The following PTPRD variants were observed in gnomAD, a reference collection of about 807,000 sequenced individuals.
PTPRD encodes receptor-type tyrosine-protein phosphatase delta.
Under a neutral mutation model 214.5 loss-of-function variants are expected in PTPRD, and 34 were observed. The observed-to-expected ratio is 0.16, with a 90% CI of 0.12 to 0.21. The LOEUF (loss-of-function observed/expected upper bound fraction) is 0.21, where lower values mean the gene tolerates loss of function less well. Among genes scored for constraint, PTPRD ranks in the 10% least tolerant of loss-of-function variants. PTPRD has a pLI of 1.00. For synonymous variants in PTPRD, 1,128 were observed against 845.7 expected (o/e 1.33, Z -5.79); for missense variants, 2,545 against 2,398.7 (o/e 1.06, Z -1.27).
intron 2 of PTPRD, chr9:10,532,020 A>C (rs1213500335): frequency 6.6e-6 from 1 of 152,062 alleles, no homozygotes; most frequent in African/African-American, 2.4e-5. Context: ...TTTTAAAATT[A>C]CTCTCCCACT....
chr9:10,379,887 T>C (rs537360539), intron 2 of PTPRD, among the ~76,000 whole-genome samples: 126 of 152,186 alleles, frequency 8.3e-4, no homozygotes, highest in African/African-American at 2.9e-3. Context: ...AGTTAATGTA[T>C]TTTATTTCTA....
At chr9:10,254,635 A>G (rs2093085113) in intron 3 of PTPRD, among the ~76,000 whole-genome samples, 1 of 152,202 alleles carries the variant, frequency 6.6e-6, no homozygotes, top group Non-Finnish European at 1.5e-5. Context: ...CACATTACAA[A>G]TAGAGTAAAA....
At chr9:10,084,717 T>A (rs772103988) in intron 3 of PTPRD, among the ~76,000 whole-genome samples, 2 of 151,982 alleles carry the variant, frequency 1.3e-5, no homozygotes, top group Non-Finnish European at 2.9e-5. Context: ...TGCCTTGTGG[T>A]GTGAAAATAG....
intron 26 of PTPRD, among the ~76,000 whole-genome samples, chr9:8,496,056 A>T (rs959985584): frequency 6.6e-6 from 1 of 152,074 alleles, no homozygotes; most frequent in Non-Finnish European, 1.5e-5. Flanking sequence ...GCCTTCATTT[A>T]TATCAAATTG....
chr9:9,014,403 C>T (rs2099525607), intron 11 of PTPRD, among the ~76,000 whole-genome samples: 1 of 151,920 alleles, frequency 6.6e-6, no homozygotes, highest in African/African-American at 2.4e-5. Flanking sequence ...AAAAATGTCA[C>T]CTAATAGTAC....
rs534208115 is a variant in PTPRD at position 9,063,610 on chromosome 9, C to T, written c.-142-44875G>A. Reference sequence around the variant, plus strand: ...TTGTTTACTGCTGAATTCTTAGCATCCAGAACAAACACCTAGCATGTAGCA... The same window carrying T: ...TTGTTTACTGCTGAATTCTTAGCATTCAGAACAAACACCTAGCATGTAGCA... On this transcript the variant is annotated intron_variant, in intron 10 of 45. Transcript: ENST00000381196. 5.9e-5 allele frequency among the ~76,000 whole-genome samples: 9 copies of T among 152,230 alleles called. No homozygotes were observed. The East Asian group carries it at 1.7e-3, about 29-fold the overall frequency.
chr9:9,494,364 G>C (rs1006086680), intron 8 of PTPRD, among the ~76,000 whole-genome samples: 1 of 152,106 alleles, frequency 6.6e-6, no homozygotes, highest in South Asian at 2.1e-4. Flanking sequence ...GCATTGCATA[G>C]AACAAAACTT....
intron 11 of PTPRD, among the ~76,000 whole-genome samples, chr9:8,951,577 C>G (rs1052449128): frequency 6.6e-6 from 1 of 151,992 alleles, no homozygotes; most frequent in Admixed American, 6.6e-5. Flanking sequence ...GATCTTCCAT[C>G]TCCCATCTCC....
intron 8 of PTPRD, among the ~76,000 whole-genome samples, chr9:9,489,575 A>T (rs2095813099): frequency 6.6e-6 from 1 of 152,118 alleles, no homozygotes; most frequent in South Asian, 2.1e-4. Flanking sequence ...AAAACCTAAA[A>T]CGAAACCTAA....
At chr9:9,761,657 G>A (rs1002424743) in intron 6 of PTPRD, among the ~76,000 whole-genome samples, 5 of 151,938 alleles carry the variant, frequency 3.3e-5, no homozygotes, top group African/African-American at 1.2e-4. Flanking sequence ...GGGAAAACTT[G>A]GCAATGTGTA....
chr9:9,825,231 A>C (rs547124632), intron 5 of PTPRD, among the ~76,000 whole-genome samples: 1 of 152,038 alleles, frequency 6.6e-6, no homozygotes, highest in South Asian at 2.1e-4. Flanking sequence ...TTTTAATTTT[A>C]TTTACTAGTT....
chr9:8,849,595 GAAT>G (rs1307241860), intron 11 of PTPRD, among the ~76,000 whole-genome samples: 5 of 152,144 alleles, frequency 3.3e-5, no homozygotes, highest in African/African-American at 9.7e-5. Flanking sequence ...GAAAATGAGA[GAAT>G]AATAGGATTT....
chr9:8,498,157 G>C lies in PTPRD; in HGVS notation c.2323-889C>G, dbSNP rs187245985. Among the ~76,000 whole-genome samples, 24 of 152,286 alleles carry C rather than the reference G, an allele frequency of 1.6e-4. No homozygotes were observed. The East Asian group carries it at 4.0e-3, about 26-fold the overall frequency. The stretch of plus-strand genomic sequence containing the variant: ...CAATGAATCCAGATCCCTTTACTTA[G>C]AATGTTTCAAAACTGAAGAAAACAT... On this transcript the variant is annotated intron_variant, in intron 25 of 45. Coordinates refer to ENST00000381196, the MANE Select transcript of PTPRD (RefSeq NM_002839.4).
At chr9:9,580,547 CT>C (rs1176394314) in intron 7 of PTPRD, among the ~76,000 whole-genome samples, 41,351 of 122,028 alleles carry the variant, frequency 0.34, 6,098 homozygotes, top group Non-Finnish European at 0.38. Context: ...ACTTTATTTT[CT>C]TTTTTTTTTT....
At chr9:9,004,747 C>T (rs945850491) in intron 11 of PTPRD, among the ~76,000 whole-genome samples, 7 of 152,044 alleles carry the variant, frequency 4.6e-5, no homozygotes, top group Non-Finnish European at 7.4e-5. Context: ...CAAACCTCCC[C>T]TAGAGCCCAT....
intron 2 of PTPRD, among the ~76,000 whole-genome samples, chr9:10,433,162 T>C (rs2098694472): frequency 6.6e-6 from 1 of 151,948 alleles, no homozygotes; most frequent in Admixed American, 6.6e-5. Context: ...CAATAACTCA[T>C]CTGAAGACCC....
intron 10 of PTPRD, among the ~76,000 whole-genome samples, chr9:9,167,563 T>C (rs1052110100): frequency 6.6e-6 from 1 of 152,026 alleles, no homozygotes; most frequent in Non-Finnish European, 1.5e-5. Context: ...GAGACCAGCC[T>C]GATCAACATG....
At chr9:9,645,199 G>A (rs549053539) in intron 7 of PTPRD, among the ~76,000 whole-genome samples, 1 of 152,204 alleles carries the variant, frequency 6.6e-6, no homozygotes, top group African/African-American at 2.4e-5. Flanking sequence ...CCCATTGCAA[G>A]TTCCCAGAGC....
At chr9:10,563,502 T>C (rs920684725) in intron 2 of PTPRD, among the ~76,000 whole-genome samples, 1 of 152,212 alleles carries the variant, frequency 6.6e-6, no homozygotes, top group Non-Finnish European at 1.5e-5. Flanking sequence ...CTTAATATTT[T>C]AGCTAATCCT....
Sources: allele counts gnomAD v4.1 joint callset (sites outside exome capture counted in the v4.1 genomes callset), GRCh38; gene constraint gnomAD v4.1.1; transcripts MANE v1.5; gene names NCBI Gene and HGNC (gene_info 2026-07-23, HGNC 2026-07-21).